The following AUTS2 variants were observed in gnomAD, a reference collection of about 807,000 sequenced individuals.
AUTS2 encodes the protein activator of transcription and developmental regulator AUTS2, also known as autism susceptibility gene 2 protein.
In AUTS2, 17 loss-of-function variants were observed where a neutral mutation model predicts 112.4. The observed-to-expected ratio is 0.15, with a 90% CI of 0.10 to 0.23. The LOEUF (loss-of-function observed/expected upper bound fraction) is 0.23. AUTS2 is among the 10% of genes least tolerant of loss of function. The pLI is 1.00. For synonymous variants in AUTS2, 751 were observed against 702.7 expected (o/e 1.07, Z -1.09); for missense variants, 1,510 against 1,701.6 (o/e 0.89, Z 1.98).
intron 4 of AUTS2, among the ~76,000 whole-genome samples, chr7:70,160,535 A>T (rs1808021729): frequency 6.6e-6 from 1 of 152,196 alleles, no homozygotes. Context: ...TAGGTGGCAC[A>T]GTGACTAAAT....
chr7:69,642,681 C>T (rs146145550), intron 1 of AUTS2, among the ~76,000 whole-genome samples: 68 of 152,218 alleles, frequency 4.5e-4, no homozygotes, highest in Middle Eastern at 3.4e-3. Flanking sequence ...TAGACATTTC[C>T]ATGCATTTAT....
In AUTS2 at chr7:70,691,874, ATTTTTT is replaced by A. The variant is rs34314079; in HGVS notation, c.691-6681_691-6676del. Among the ~76,000 whole-genome samples, 3 of 131,808 alleles carry A rather than the reference ATTTTTT, an allele frequency of 2.3e-5. No homozygotes were observed. The East Asian group carries it at 6.7e-4, about 29-fold the overall frequency. 86.5% of individuals were successfully genotyped at this position (131,808 alleles called of 152,430 possible). On this transcript the variant is annotated intron_variant, in intron 5 of 18. Coordinates refer to ENST00000342771, the MANE Select transcript of AUTS2 (RefSeq NM_015570.4). ...TAATCCCTGGTAACCATTGATGACA[ATTTTTT>A]TTTTTTTTTTTTTGAGATAAAGTCT... is the stretch of plus-strand genomic sequence containing the variant.
intron 4 of AUTS2, among the ~76,000 whole-genome samples, chr7:70,150,477 A>G (rs918294744): frequency 3.3e-5 from 5 of 152,224 alleles, no homozygotes; most frequent in African/African-American, 1.2e-4. Flanking sequence ...TCCTCTTCCC[A>G]GTAGACATGC....
At chr7:70,560,216 A>G (rs1801424118) in intron 5 of AUTS2, among the ~76,000 whole-genome samples, 1 of 152,178 alleles carries the variant, frequency 6.6e-6, no homozygotes, top group Non-Finnish European at 1.5e-5. Flanking sequence ...ACAACAGTAC[A>G]TCCCCCACCC....
intron 2 of AUTS2, among the ~76,000 whole-genome samples, chr7:70,105,369 C>T (rs1199531577): frequency 2.6e-5 from 4 of 152,228 alleles, no homozygotes; most frequent in South Asian, 4.2e-4. Flanking sequence ...GGGCAATCCT[C>T]GTGCCTCAGT....
intron 1 of AUTS2, among the ~76,000 whole-genome samples, chr7:69,646,944 C>T (rs1795048983): frequency 6.6e-6 from 1 of 152,142 alleles, no homozygotes; most frequent in Non-Finnish European, 1.5e-5. Flanking sequence ...AAAAATTAGC[C>T]GCGCGTAGTG....
chr7:69,679,764 G>T (rs1273782419), intron 1 of AUTS2, among the ~76,000 whole-genome samples: 2 of 152,166 alleles, frequency 1.3e-5, no homozygotes, highest in Non-Finnish European at 2.9e-5. Context: ...TTATTTTGGG[G>T]AGTAGAAGCA....
chr7:69,731,719 G>A (rs1786803248), intron 1 of AUTS2, among the ~76,000 whole-genome samples: 1 of 152,114 alleles, frequency 6.6e-6, no homozygotes, highest in South Asian at 2.1e-4. Flanking sequence ...TACTCAGTTG[G>A]CATTTGTCAC....
At position 70,354,956 on chromosome 7, in the gene AUTS2, C is replaced by CTG. The variant is rs369428637; in HGVS notation, c.661-80778_661-80777dup. The stretch of plus-strand genomic sequence containing the variant: ...CTTATATTTCTATTAGAAAGGGCTG[C>CTG]TGTGTGTGTGTGTGTGTGTATGTAT... On this transcript the variant is annotated intron_variant, in intron 4 of 18. Coordinates refer to ENST00000342771, the MANE Select transcript of AUTS2 (RefSeq NM_015570.4). Among the ~76,000 whole-genome samples the CTG allele has an allele frequency of 3.9e-3, 567 of 147,164 alleles. 3 individuals are homozygous for CTG. The highest frequency in any genetic ancestry group is 4.5e-3 in the Non-Finnish European group (300 of 66,564).
At chr7:70,449,194 C>T (rs1293532648) in intron 5 of AUTS2, among the ~76,000 whole-genome samples, 1 of 152,244 alleles carries the variant, frequency 6.6e-6, no homozygotes, top group African/African-American at 2.4e-5. Context: ...TTTGTCTCTA[C>T]TTATTTTTGC....
intron 1 of AUTS2, among the ~76,000 whole-genome samples, chr7:69,828,175 G>T (rs1791337867): frequency 6.6e-6 from 1 of 152,190 alleles, no homozygotes; most frequent in South Asian, 2.1e-4. Context: ...GGTACATCTT[G>T]ATTAGTCTAT....
chr7:70,632,174 G>T (rs968331409), intron 5 of AUTS2, among the ~76,000 whole-genome samples: 15 of 152,044 alleles, frequency 9.9e-5, no homozygotes, highest in Non-Finnish European at 1.9e-4. Context: ...CTGGACAGGG[G>T]TGATTCCAGA....
At chr7:69,639,462 T>C (rs1360179017) in intron 1 of AUTS2, among the ~76,000 whole-genome samples, 1 of 152,218 alleles carries the variant, frequency 6.6e-6, no homozygotes, top group Non-Finnish European at 1.5e-5. Context: ...ATTTTGCAGA[T>C]GGGGAAAGAA....
At chr7:70,760,999 T>C (rs1789533665) in intron 6 of AUTS2, among the ~76,000 whole-genome samples, 1 of 152,276 alleles carries the variant, frequency 6.6e-6, no homozygotes. Context: ...AAAAATTTGC[T>C]TTGTTTATAA....
intron 4 of AUTS2, among the ~76,000 whole-genome samples, chr7:70,221,152 CCT>C (rs1200330115): frequency 1.3e-5 from 2 of 152,212 alleles, no homozygotes; most frequent in Non-Finnish European, 2.9e-5. Context: ...AAGCTGTCCC[CCT>C]GTCTCAGCCT....
intron 2 of AUTS2, among the ~76,000 whole-genome samples, chr7:69,989,852 G>A (rs183689458): frequency 6.2e-4 from 94 of 152,212 alleles, no homozygotes; most frequent in Admixed American, 2.2e-3. Context: ...GATCAGCGGC[G>A]GCATTAGACT....
chr7:69,878,568 C>T lies in AUTS2; in HGVS notation c.310-20718C>T, dbSNP rs149165017. ...ACTGCCTAAGCAGCCCCAGTGAAAA[C>T]GGATGGTTCTTGAGGCTTCCAGAGG... On this transcript the variant is annotated intron_variant, in intron 1 of 18. Coordinates refer to ENST00000342771, the MANE Select transcript of AUTS2 (RefSeq NM_015570.4). Among the ~76,000 whole-genome samples, 1,070 of 152,220 alleles carry T rather than the reference C, an allele frequency of 7.0e-3. 10 individuals carry two copies. Among genetic ancestry groups the T allele is most frequent in the South Asian group, 0.019 (92 of 4,808 alleles).
At chr7:69,625,582 C>T (rs186106614) in intron 1 of AUTS2, among the ~76,000 whole-genome samples, 2 of 152,112 alleles carry the variant, frequency 1.3e-5, no homozygotes, top group Admixed American at 6.5e-5. Context: ...ATTTGGGCTG[C>T]GCACGGTGGC....
intron 5 of AUTS2, among the ~76,000 whole-genome samples, chr7:70,642,391 A>G (rs199785837): frequency 1.3e-4 from 1 of 7,556 alleles, no homozygotes; most frequent in East Asian, 8.6e-3. Context: ...GTCTTTTTCT[A>G]TCCTTCGTGC....
Sources: allele counts gnomAD v4.1 joint callset (sites outside exome capture counted in the v4.1 genomes callset), GRCh38; gene constraint gnomAD v4.1.1; transcripts MANE v1.5; gene names NCBI Gene and HGNC (gene_info 2026-07-23, HGNC 2026-07-21).